MCRIP1: variants seen among roughly 807,000 people sequenced by gnomAD.
MCRIP1 encodes the protein mapk-regulated corepressor-interacting protein 1.
MCRIP1 carries 10 observed loss-of-function variants against 14.4 expected under a neutral mutation model. The observed-to-expected ratio is 0.70, with a 90% CI of 0.43 to 1.18. The LOEUF (loss-of-function observed/expected upper bound fraction) is 1.18, where lower values mean the gene tolerates loss of function less well. MCRIP1 is among the 50% of genes most tolerant of loss of function. The probability of loss-of-function intolerance (pLI) is 0.00; values close to 1 mark genes in which losing one functional copy is unlikely to be tolerated. For missense variants in MCRIP1, 119 were observed against 135.4 expected (o/e 0.88, Z 0.60); for synonymous variants, 53 against 55.7 (o/e 0.95, Z 0.21).
chr17:81,822,764 G>A lies in MCRIP1; in HGVS notation c.*483C>T, dbSNP rs963424210. On this transcript the variant is annotated 3_prime_UTR_variant, in exon 5 of 5. Coordinates refer to ENST00000455127, the MANE Select transcript of MCRIP1 (RefSeq NM_207368.5). ...AAGCTCCCCAGCGTGTCCAGGCCAC[G>A]GGAGCAGCAAGGGTCTGCGGGGAGC... 21 of 191,430 alleles carry A rather than the reference G, an allele frequency of 1.1e-4. No homozygotes were observed. The highest frequency in any genetic ancestry group is 2.6e-4 in the African/African-American group (11 of 42,516). 11.9% of individuals were successfully genotyped at this position (191,430 alleles called of 1,614,324 possible).
In MCRIP1 at chr17:81,823,206, C is replaced by A; in HGVS notation, c.*41G>T. ...AGGACAGGAGGGAACCGACACCTCG[C>A]ACCCTGATCTTCCGGAGGCCGGGGA... On this transcript the variant is annotated 3_prime_UTR_variant, in exon 5 of 5. Transcript: ENST00000455127. This position sits in a 1 kb window ranked among gnomAD's most constrained non-coding sequence, Gnocchi z 6.0. The A allele has an allele frequency of 6.5e-7, 1 of 1,529,938 alleles. No individual in the cohort carries two copies. Among genetic ancestry groups the A allele is most frequent in the East Asian group, 2.4e-5 (1 of 40,882 alleles). The allele number at this position is 1,529,938 out of a possible 1,614,324, so 94.8% of individuals were successfully genotyped here. A position where few individuals can be genotyped will look rare whatever the true frequency, so the allele number is the denominator to read the frequency against.
chr17:81,824,868 G>A (rs985895644), intron 1 of MCRIP1: 34 of 1,262,488 alleles, frequency 2.7e-5, no homozygotes, highest in East Asian at 3.5e-5. Flanking sequence ...CCCCAGCACC[G>A]GGAGCACTGT....
At chr17:81,828,777 G>A (rs995178920) in intron 1 of MCRIP1, among the ~76,000 whole-genome samples, 5 of 152,208 alleles carry the variant, frequency 3.3e-5, no homozygotes, top group Non-Finnish European at 7.3e-5. Context: ...GGGCCAGGAC[G>A]GTGCCTGTGA....
At position 81,823,527 on chromosome 17, in the gene MCRIP1, G is replaced by C. The variant is rs565101908; in HGVS notation, c.128-14C>G. The C allele has an allele frequency of 5.2e-6, 8 of 1,535,196 alleles. No homozygotes were observed. In the African/African-American group the frequency reaches 9.6e-5, roughly 18 times the overall value. ...CACCCTGCCAGGCTGCAGAGGCAGA[G>C]AGTGGTGTGCTCAGGGCCCCCTGCC... On this transcript the variant is annotated splice_polypyrimidine_tract_variant and intron_variant, in intron 3 of 4. Coordinates refer to ENST00000455127, the MANE Select transcript of MCRIP1 (RefSeq NM_207368.5). This position sits in a 1 kb window ranked among gnomAD's most constrained non-coding sequence, Gnocchi z 6.0.
chr17:81,825,344 C>G (rs1237943559), intron 1 of MCRIP1: 13 of 1,175,708 alleles, frequency 1.1e-5, no homozygotes, highest in Non-Finnish European at 1.3e-5. Context: ...TGTCCCCACT[C>G]CAGCTGAGGA....
At position 81,823,133 on chromosome 17, in the gene MCRIP1, T is replaced by G. The variant is rs2038305269; in HGVS notation, c.*114A>C. ...GCCGTCAGTCACGCCAGTGCTGGGATCTGCAGCCCGCTGGAGCAAGGCACC... is the reference window on the plus strand; with the variant it reads ...GCCGTCAGTCACGCCAGTGCTGGGAGCTGCAGCCCGCTGGAGCAAGGCACC... On this transcript the variant is annotated 3_prime_UTR_variant, in exon 5 of 5. Coordinates refer to ENST00000455127, the MANE Select transcript of MCRIP1 (RefSeq NM_207368.5). This position sits in a 1 kb window ranked among gnomAD's most constrained non-coding sequence, Gnocchi z 6.0. 2.0e-6 allele frequency: 2 copies of G among 994,136 alleles called. No homozygotes were observed. The highest frequency in any genetic ancestry group is 4.0e-5 in the Admixed American group (2 of 49,728). 61.6% of individuals were successfully genotyped at this position (994,136 alleles called of 1,614,324 possible). A position where few individuals can be genotyped will look rare whatever the true frequency, so the allele number is the denominator to read the frequency against.
chr17:81,823,382 A>C lies in MCRIP1; in HGVS notation c.229+30T>G, dbSNP rs1371385512. 1 of 1,535,796 alleles carries C rather than the reference A, an allele frequency of 6.5e-7. No homozygotes were observed. Among genetic ancestry groups the C allele is most frequent in the South Asian group, 1.2e-5 (1 of 84,014 alleles). Reference sequence around the variant, plus strand: ...CCCATGAGGCCCGGCCTGCCGGCCCAGCCCTGCCCCCAGGTCAGCCCCCAC... The same window carrying C: ...CCCATGAGGCCCGGCCTGCCGGCCCCGCCCTGCCCCCAGGTCAGCCCCCAC... On this transcript the variant is annotated intron_variant, in intron 4 of 4. Coordinates refer to ENST00000455127, the MANE Select transcript of MCRIP1 (RefSeq NM_207368.5). The surrounding 1 kb of genome is among the most constrained non-coding windows in gnomAD (Gnocchi z 6.0).
rs2038339587 is a variant in MCRIP1 at position 81,824,354 on chromosome 17, G to A, written c.60C>T (p.Arg20=). 6.5e-7 allele frequency: 1 copy of A among 1,532,206 alleles called. No homozygotes were observed. Among genetic ancestry groups the A allele is most frequent in the East Asian group, 2.5e-5 (1 of 40,674 alleles). 94.9% of individuals were successfully genotyped at this position (1,532,206 alleles called of 1,614,324 possible). ...VYNGKRTSSP[R]SPPSSSEIFT... is the part of the protein sequence containing the mutation. ...AGATCTCGCTGCTGCTGGGTGGGGA[G>A]CGGGGGCTGCTGGTCCTCTTGCCGT... Residue 20 remains arginine, a synonymous_variant, in exon 3 of 5, where the codon CGC becomes CGT. Coordinates refer to ENST00000455127, the MANE Select transcript of MCRIP1 (RefSeq NM_207368.5).
chr17:81,825,515 G>C (rs750808335), intron 1 of MCRIP1: 13 of 1,245,196 alleles, frequency 1.0e-5, no homozygotes, highest in African/African-American at 1.6e-5. Flanking sequence ...CAAGGCTGCA[G>C]ATACTCCAGG....
At position 81,828,275 on chromosome 17, in the gene MCRIP1, CG is replaced by C. The variant is rs1472342451; in HGVS notation, c.-48-3722del. 6.1e-5 allele frequency among the ~76,000 whole-genome samples: 9 copies of C among 147,186 alleles called. No homozygotes were observed. The East Asian group carries it at 1.8e-3, about 30-fold the overall frequency. ...GGCCTCACACTGCCCCCCCACCCCC[CG>C]ACCCTGCACACATAGCCCCAGGCTT... is the stretch of plus-strand genomic sequence containing the variant. On this transcript the variant is annotated intron_variant, in intron 1 of 4. Transcript: ENST00000455127.
At chr17:81,826,544 G>A (rs2038401354) in intron 1 of MCRIP1, 3 of 607,542 alleles carry the variant, frequency 4.9e-6, no homozygotes, top group Non-Finnish European at 8.5e-6. Context: ...AAAAGCCCAG[G>A]CACGGTGGCT....
chr17:81,824,204 C>G, intron 3 of MCRIP1, 83 bp downstream of exon 3: 1 of 1,144,638 alleles, frequency 8.7e-7, no homozygotes, highest in Non-Finnish European at 1.3e-6. Context: ...GCAGGAGGTT[C>G]CTCGGAGCGT....
At chr17:81,831,601 G>GT (rs2038521801) in intron 1 of MCRIP1, among the ~76,000 whole-genome samples, 4 of 152,246 alleles carry the variant, frequency 2.6e-5, no homozygotes, top group African/African-American at 9.6e-5. Flanking sequence ...CAGCCACCAC[G>GT]CTGGGCCCTT....
intron 1 of MCRIP1, chr17:81,826,368 A>C: frequency 2.6e-6 from 4 of 1,535,574 alleles, no homozygotes; most frequent in Non-Finnish European, 3.5e-6. Context: ...GCACACACCC[A>C]TATGAACACA....
Position 81,823,392 on chromosome 17 carries a change from C to T in MCRIP1, c.229+20G>A. 6.5e-7 allele frequency: 1 copy of T among 1,536,538 alleles called. No individual in the cohort carries two copies. The highest frequency in any genetic ancestry group is 1.2e-5 in the South Asian group (1 of 84,046). ...CCGGCCTGCCGGCCCAGCCCTGCCC[C>T]CAGGTCAGCCCCCACTCACTCTTCA... On this transcript the variant is annotated intron_variant, in intron 4 of 4. Coordinates refer to ENST00000455127, the MANE Select transcript of MCRIP1 (RefSeq NM_207368.5). This position sits in a 1 kb window ranked among gnomAD's most constrained non-coding sequence, Gnocchi z 6.0.
rs749614473 is a variant in MCRIP1 at position 81,825,629 on chromosome 17, G to A, written c.-48-1075C>T. On this transcript the variant is annotated intron_variant, in intron 1 of 4. Coordinates refer to ENST00000455127, the MANE Select transcript of MCRIP1 (RefSeq NM_207368.5). ...ATGGTCCAGCCCTCAAACACCACGT[G>A]ATAAGAATCCCACGGCTCAAGGGCA... is the stretch of plus-strand genomic sequence containing the variant. The A allele has an allele frequency of 3.1e-5, 40 of 1,289,222 alleles. No individual in the cohort carries two copies. The African/African-American group carries it at 5.3e-4, about 17-fold the overall frequency. The allele number at this position is 1,289,222 out of a possible 1,614,324, so 79.9% of individuals were successfully genotyped here.
In MCRIP1 at chr17:81,823,135, T is replaced by G; in HGVS notation, c.*112A>C. On this transcript the variant is annotated 3_prime_UTR_variant, in exon 5 of 5. Coordinates refer to ENST00000455127, the MANE Select transcript of MCRIP1 (RefSeq NM_207368.5). This position sits in a 1 kb window ranked among gnomAD's most constrained non-coding sequence, Gnocchi z 6.0. The stretch of plus-strand genomic sequence containing the variant: ...CGTCAGTCACGCCAGTGCTGGGATC[T>G]GCAGCCCGCTGGAGCAAGGCACCCC... 9.8e-7 allele frequency: 1 copy of G among 1,021,808 alleles called. No homozygotes were observed. The highest frequency in any genetic ancestry group is 1.5e-6 in the Non-Finnish European group (1 of 682,486). 63.3% of individuals were successfully genotyped at this position (1,021,808 alleles called of 1,614,324 possible). A position where few individuals can be genotyped will look rare whatever the true frequency, so the allele number is the denominator to read the frequency against.
At chr17:81,832,384 C>T (rs963122067) in intron 1 of MCRIP1, among the ~76,000 whole-genome samples, 1 of 152,116 alleles carries the variant, frequency 6.6e-6, no homozygotes, top group African/African-American at 2.4e-5. Context: ...CGCCCTCCTC[C>T]CCATCCTGAT....
chr17:81,824,283 C>T lies in MCRIP1; in HGVS notation c.127+4G>A. The T allele has an allele frequency of 6.5e-7, 1 of 1,532,444 alleles. No individual in the cohort carries two copies. The highest frequency in any genetic ancestry group is 8.7e-7 in the Non-Finnish European group (1 of 1,143,436). 94.9% of individuals were successfully genotyped at this position (1,532,444 alleles called of 1,614,324 possible). On this transcript the variant is annotated splice_donor_region_variant and intron_variant, in intron 3 of 4. Transcript: ENST00000455127. ...CAGGAGCTGTGTGTGGCAGGCGCAC[C>T]CACCTTCGTAAATGAAGCGGACGTT...
Sources: gnomAD v4.1 joint callset for allele counts (sites outside exome capture counted in the v4.1 genomes callset) on GRCh38, gnomAD v4.1.1 for gene constraint, Gnocchi (gnomAD v3.1) non-coding constraint, MANE v1.5 for transcripts, NCBI Gene and HGNC (gene_info 2026-07-23, HGNC 2026-07-21) for gene names.